The following LRRC8D variants were observed in gnomAD, a reference collection of about 807,000 sequenced individuals.
The protein encoded by LRRC8D is leucine rich repeat containing 8 VRAC subunit D, also known as volume-regulated anion channel subunit LRRC8D.
LRRC8D carries 20 observed loss-of-function variants against 55.8 expected under a neutral mutation model. The ratio of observed to expected loss-of-function variants is 0.36; its 90% confidence interval spans 0.25 to 0.52. The LOEUF (loss-of-function observed/expected upper bound fraction) is 0.52, where lower values mean the gene tolerates loss of function less well. Among genes scored for constraint, LRRC8D ranks in the 20% least tolerant of loss-of-function variants. LRRC8D has a pLI of 0.93. For synonymous variants in LRRC8D, 352 were observed against 377.0 expected, an observed-to-expected ratio of 0.93 and a Z score of 0.77; for missense variants, 651 against 1,030.8, an observed-to-expected ratio of 0.63 and a Z score of 5.05.
chr1:89,879,156 C>T (rs765060531), intron 2 of LRRC8D, among the ~76,000 whole-genome samples: 41 of 152,086 alleles, frequency 2.7e-4, no homozygotes, highest in Non-Finnish European at 4.9e-4. Context: ...TATCTACAGC[C>T]GTTGACACCC....
Position 89,907,183 on chromosome 1 carries a change from CTT to C in LRRC8D, c.-2-25859_-2-25858del, listed in dbSNP as rs71584958. Among the ~76,000 whole-genome samples, 13 of 69,800 alleles carry C rather than the reference CTT, an allele frequency of 1.9e-4. No homozygotes were observed. In the East Asian group the frequency reaches 2.1e-3, roughly 11 times the overall value. 45.8% of individuals were successfully genotyped at this position (69,800 alleles called of 152,430 possible). A position where few individuals can be genotyped will look rare whatever the true frequency, so the allele number is the denominator to read the frequency against. ...TTGGGCTTCCTGTCTTCCACTGTGTCTTTTTTTTTTTTTTTTTTTTTTTTTTG... is the reference window on the plus strand; with the variant it reads ...TTGGGCTTCCTGTCTTCCACTGTGTCTTTTTTTTTTTTTTTTTTTTTTTTG... On this transcript the variant is annotated intron_variant, in intron 2 of 2. Transcript: ENST00000337338.
At chr1:89,860,786 ATATATAT>A (rs1315430442) in intron 2 of LRRC8D, among the ~76,000 whole-genome samples, 640 of 21,030 alleles carry the variant, frequency 0.03, 11 homozygotes, top group Non-Finnish European at 0.054. Context: ...AAAAAAAAAA[ATATATAT>A]ATATATATAT....
At chr1:89,876,690 A>G (rs1001124363) in intron 2 of LRRC8D, among the ~76,000 whole-genome samples, 6 of 152,244 alleles carry the variant, frequency 3.9e-5, no homozygotes, top group African/African-American at 1.2e-4. Flanking sequence ...TGTTTCTGCA[A>G]TAAAGTTTCT....
At chr1:89,843,820 G>C in intron 2 of LRRC8D, 38 bp downstream of exon 2, 1 of 627,994 alleles carries the variant, frequency 1.6e-6, no homozygotes, top group Non-Finnish European at 2.9e-6. Flanking sequence ...GAGCGGGTCG[G>C]GAAGTCTGCG....
intron 2 of LRRC8D, among the ~76,000 whole-genome samples, chr1:89,890,924 C>T (rs1040804251): frequency 3.3e-5 from 5 of 152,072 alleles, no homozygotes; most frequent in Non-Finnish European, 5.9e-5. Context: ...GCTGTGTCAT[C>T]ACTCTGGAGT....
At position 89,933,509 on chromosome 1, in the gene LRRC8D, A is replaced by G. The variant is rs767775682; in HGVS notation, c.441A>G (p.Val147=). 1.9e-6 allele frequency: 3 copies of G among 1,614,176 alleles called. No homozygotes were observed. In the South Asian group the frequency reaches 3.3e-5, roughly 18 times the overall value. ...CAAACTTGGATTTTCAGCAATATGT[A>G]TTTATTAATCAAATGTGTTACCATC... The part of the protein sequence containing the change: ...RKTNLDFQQY[V]FINQMCYHLA... Residue 147 remains valine (V), a synonymous_variant, in exon 3 of 3, where the codon GTA becomes GTG. Transcript: ENST00000337338. This position sits in a 1 kb window ranked among gnomAD's most constrained non-coding sequence, Gnocchi z 7.0.
At chr1:89,839,962 TATC>T (rs1221032120) in intron 1 of LRRC8D, among the ~76,000 whole-genome samples, 1 of 152,190 alleles carries the variant, frequency 6.6e-6, no homozygotes, top group Non-Finnish European at 1.5e-5. Context: ...GAGATGAGTT[TATC>T]ATCTCCTCCT....
intron 2 of LRRC8D, among the ~76,000 whole-genome samples, chr1:89,900,711 A>G (rs1662828130): frequency 6.6e-6 from 1 of 152,216 alleles, no homozygotes; most frequent in Admixed American, 6.5e-5. Context: ...ACTGAAGATA[A>G]GCTTGTTGAG....
intron 1 of LRRC8D, among the ~76,000 whole-genome samples, chr1:89,838,205 A>T (rs1256870677): frequency 1.2e-5 from 1 of 84,520 alleles, no homozygotes; most frequent in Non-Finnish European, 3.1e-5. Flanking sequence ...TTAAAAAAAA[A>T]AAAAAGGGGG....
Position 89,839,325 on chromosome 1 carries a change from A to G in LRRC8D, c.-147-4313A>G, listed in dbSNP as rs182312117. On this transcript the variant is annotated intron_variant, in intron 1 of 2. Coordinates refer to ENST00000337338, the MANE Select transcript of LRRC8D (RefSeq NM_001134479.2). ...GTTCATTGTGTGTGTTTGGAAGCTGAGGAAATTGGAGCACTGAGCTTAGAG... is the reference window on the plus strand; with the variant it reads ...GTTCATTGTGTGTGTTTGGAAGCTGGGGAAATTGGAGCACTGAGCTTAGAG... 4.6e-5 allele frequency among the ~76,000 whole-genome samples: 7 copies of G among 152,266 alleles called. No individual in the cohort carries two copies. The East Asian group carries it at 1.2e-3, about 25-fold the overall frequency.
rs370582839 is a variant in LRRC8D, at chr1:89,935,529, C to G, written c.2461C>G (p.Arg821Gly). Residue 821 changes from arginine to glycine, a missense_variant, in exon 3 of 3, where the codon CGG (arginine) becomes GGG (glycine). Physicochemically the swap from Arg to Gly is moderately radical, Grantham distance 125 (BLOSUM62 -2). Around this residue, in one of 5 missense-constraint regions of LRRC8D, gnomAD observed 338 missense variants for 479.4 expected, o/e 0.71. Coordinates refer to ENST00000337338, the MANE Select transcript of LRRC8D (RefSeq NM_001134479.2). ...DRLPAQLGQC[R>G]MLKKSGLVVE... The stretch of plus-strand genomic sequence containing the variant: ...CCTGCCAGCCCAGCTGGGCCAGTGT[C>G]GGATGCTCAAGAAAAGCGGGCTTGT... The G allele has an allele frequency of 5.0e-5, 80 of 1,614,210 alleles. No individual in the cohort carries two copies. The African/African-American group carries it at 1.0e-3, about 21-fold the overall frequency.
chr1:89,919,865 C>CA (rs1176722467), intron 2 of LRRC8D, among the ~76,000 whole-genome samples: 2 of 152,094 alleles, frequency 1.3e-5, no homozygotes, highest in African/African-American at 4.8e-5. Flanking sequence ...GCAAAAACTC[C>CA]ATAATTATTT....
Position 89,835,145 on chromosome 1 carries a change from C to T in LRRC8D, c.-147-8493C>T, listed in dbSNP as rs540277114. Among the ~76,000 whole-genome samples the T allele has an allele frequency of 5.3e-5, 8 of 152,290 alleles. No homozygotes were observed. In the East Asian group the frequency reaches 1.5e-3, roughly 29 times the overall value. ...GATTCCAGGAGCACCCCTCCACCCC[C>T]ATGATTTCAGTGGTTCACATCTTGG... On this transcript the variant is annotated intron_variant, in intron 1 of 2. Coordinates refer to ENST00000337338, the MANE Select transcript of LRRC8D (RefSeq NM_001134479.2).
intron 2 of LRRC8D, among the ~76,000 whole-genome samples, chr1:89,910,612 G>C (rs544486105): frequency 6.6e-6 from 1 of 151,956 alleles, no homozygotes; most frequent in Non-Finnish European, 1.5e-5. Flanking sequence ...AGCTGAGGGG[G>C]CAGGTATGGG....
intron 2 of LRRC8D, among the ~76,000 whole-genome samples, chr1:89,857,051 G>C (rs563176746): frequency 2.6e-5 from 4 of 152,082 alleles, no homozygotes; most frequent in African/African-American, 9.6e-5. Context: ...ATGTGTATGC[G>C]TAGAAAAAAA....
chr1:89,872,966 T>A (rs917680558), intron 2 of LRRC8D, among the ~76,000 whole-genome samples: 2 of 152,226 alleles, frequency 1.3e-5, no homozygotes, highest in Admixed American at 6.5e-5. Flanking sequence ...TAGATAGGAA[T>A]CGTTTGTGAC....
intron 2 of LRRC8D, among the ~76,000 whole-genome samples, chr1:89,876,186 G>A (rs1268875691): frequency 2.0e-5 from 3 of 152,172 alleles, no homozygotes; most frequent in African/African-American, 4.8e-5. Flanking sequence ...CTGAGGTTAA[G>A]TGATAGCTTT....
chr1:89,866,676 G>A (rs1195455409), intron 2 of LRRC8D, among the ~76,000 whole-genome samples: 1 of 152,162 alleles, frequency 6.6e-6, no homozygotes, highest in Non-Finnish European at 1.5e-5. Context: ...TGAGAGGAAT[G>A]TCAAGCTTTG....
chr1:89,830,369 A>T (rs2100706049), intron 1 of LRRC8D, among the ~76,000 whole-genome samples: 1 of 152,312 alleles, frequency 6.6e-6, no homozygotes, highest in East Asian at 1.9e-4. Flanking sequence ...AGAGAGATGC[A>T]CTTGTTCTTT....
Sources: allele counts gnomAD v4.1 joint callset (sites outside exome capture counted in the v4.1 genomes callset), GRCh38; gene constraint gnomAD v4.1.1; regional missense constraint gnomAD v4.1.1; non-coding constraint Gnocchi (gnomAD v3.1); transcripts MANE v1.5; gene names NCBI Gene and HGNC (gene_info 2026-07-23, HGNC 2026-07-21).